LINGO2: variants seen among roughly 807,000 people sequenced by gnomAD.
LINGO2 encodes the protein leucine rich repeat and Ig domain containing 2, also known as leucine-rich repeat and immunoglobulin-like domain-containing nogo receptor-interacting protein 2.
In LINGO2, 14 loss-of-function variants were observed where a neutral mutation model predicts 30.6. The observed-to-expected ratio is 0.46, with a 90% CI of 0.30 to 0.72. The LOEUF (loss-of-function observed/expected upper bound fraction) is 0.72. Among genes scored for constraint, LINGO2 ranks in the 30% least tolerant of loss-of-function variants. The probability of loss-of-function intolerance (pLI) is 0.07; values close to 1 mark genes in which losing one functional copy is unlikely to be tolerated. For synonymous variants in LINGO2, 317 were observed against 288.5 expected (o/e 1.10, Z -1.00); for missense variants, 729 against 751.7 (o/e 0.97, Z 0.35).
At chr9:28,968,731 C>A in the LINGO2 span, among the ~76,000 whole-genome samples, 1 of 152,058 alleles carries the variant, frequency 6.6e-6, no homozygotes, top group Admixed American at 6.6e-5. Context: ...TAACTAGTTT[C>A]ATTTTTAAAA....
At chr9:28,782,494 G>C in the LINGO2 span, among the ~76,000 whole-genome samples, 1 of 152,144 alleles carries the variant, frequency 6.6e-6, no homozygotes, top group Non-Finnish European at 1.5e-5. Flanking sequence ...GATAACAAGA[G>C]TATGAGAGAG....
the LINGO2 span, among the ~76,000 whole-genome samples, chr9:29,071,154 T>TTATTGTATTGTATTA: frequency 7.3e-6 from 1 of 137,752 alleles, no homozygotes; most frequent in African/African-American, 2.7e-5. Context: ...TCACAGAGAA[T>TTATTGTATTGTATTA]TATTGTATTG....
At chr9:28,656,921 C>T (rs1190108667) in intron 1 of LINGO2, among the ~76,000 whole-genome samples, 1 of 152,008 alleles carries the variant, frequency 6.6e-6, no homozygotes, top group Non-Finnish European at 1.5e-5. Context: ...CTGAGGAAGA[C>T]AGACAACAAA....
chr9:28,844,467 T>G, the LINGO2 span, among the ~76,000 whole-genome samples: 719 of 152,052 alleles, frequency 4.7e-3, 21 homozygotes, highest in African/African-American at 0.016. Context: ...GAGTGTTTTT[T>G]AAACATTGGA....
intron 1 of LINGO2, among the ~76,000 whole-genome samples, chr9:28,612,093 T>C (rs10968675): frequency 0.079 from 12,063 of 151,894 alleles, 634 homozygotes; most frequent in East Asian, 0.17. Context: ...TAAGGCGGGG[T>C]CTCTATTGCC....
chr9:28,573,026 G>A (rs1042758511), intron 1 of LINGO2, among the ~76,000 whole-genome samples: 2 of 152,038 alleles, frequency 1.3e-5, no homozygotes, highest in African/African-American at 4.8e-5. Context: ...TATACACAAA[G>A]GTGTATTCTG....
intron 4 of LINGO2, among the ~76,000 whole-genome samples, chr9:28,252,085 T>A (rs561683718): frequency 8.5e-5 from 13 of 152,290 alleles, no homozygotes; most frequent in African/African-American, 2.9e-4. Context: ...ATGTTATAGA[T>A]ATTGATAATT....
the LINGO2 span, among the ~76,000 whole-genome samples, chr9:29,113,618 G>T: frequency 0.24 from 35,747 of 152,084 alleles, 4,337 homozygotes; most frequent in East Asian, 0.4. Context: ...TTTCACGGTT[G>T]CCAAAATCGT....
chr9:28,009,897 T>C (rs1450029998), intron 5 of LINGO2, among the ~76,000 whole-genome samples: 1 of 152,202 alleles, frequency 6.6e-6, no homozygotes, highest in Non-Finnish European at 1.5e-5. Context: ...TAACAATAAA[T>C]ATCTATACAA....
At chr9:28,961,381 G>GTT in the LINGO2 span, among the ~76,000 whole-genome samples, 1 of 152,116 alleles carries the variant, frequency 6.6e-6, no homozygotes, top group Non-Finnish European at 1.5e-5. Context: ...GGATTTCATA[G>GTT]CCAGGGAATA....
chr9:28,163,358 G>C (rs754806941), intron 4 of LINGO2, among the ~76,000 whole-genome samples: 2 of 152,118 alleles, frequency 1.3e-5, no homozygotes, highest in Non-Finnish European at 2.9e-5. Flanking sequence ...CAAGAGGTTA[G>C]TAATAACTAG....
At chr9:28,200,244 T>C (rs1820180649) in intron 4 of LINGO2, among the ~76,000 whole-genome samples, 1 of 152,202 alleles carries the variant, frequency 6.6e-6, no homozygotes, top group Non-Finnish European at 1.5e-5. Flanking sequence ...ACCTTGCCTC[T>C]GGAGTTATTT....
intron 2 of LINGO2, among the ~76,000 whole-genome samples, chr9:28,451,665 A>T (rs938911864): frequency 6.6e-6 from 1 of 151,744 alleles, no homozygotes; most frequent in African/African-American, 2.4e-5. Context: ...AGCTAACTAA[A>T]TTTCGGATGG....
intron 1 of LINGO2, among the ~76,000 whole-genome samples, chr9:28,554,354 C>A (rs1388054395): frequency 6.8e-6 from 1 of 147,418 alleles, no homozygotes; most frequent in Non-Finnish European, 1.5e-5. Flanking sequence ...CAATCCTAGT[C>A]TCTGATAAAA....
chr9:28,382,625 A>C (rs907636835), intron 2 of LINGO2, among the ~76,000 whole-genome samples: 1 of 152,118 alleles, frequency 6.6e-6, no homozygotes, highest in African/African-American at 2.4e-5. Flanking sequence ...TAAAATCTTC[A>C]TACAGGATAT....
chr9:28,506,505 C>CATATATATATATATATATATATATAT (rs773033942), intron 1 of LINGO2, among the ~76,000 whole-genome samples: 1 of 84,426 alleles, frequency 1.2e-5, no homozygotes, highest in Non-Finnish European at 2.4e-5. Flanking sequence ...CACACACAGA[C>CATATATATATATATATATATATATAT]ATATATATAT....
the LINGO2 span, among the ~76,000 whole-genome samples, chr9:29,213,480 GGGCGGGC>G: frequency 6.6e-6 from 1 of 152,080 alleles, no homozygotes; most frequent in Admixed American, 6.5e-5. Flanking sequence ...GTGCGGGGCT[GGGCGGGC>G]GGCGGGCGGC....
chr9:28,015,571 GA>G (rs2119300836), intron 4 of LINGO2, among the ~76,000 whole-genome samples: 1 of 152,116 alleles, frequency 6.6e-6, no homozygotes, highest in South Asian at 2.1e-4. Flanking sequence ...TATTACTTGT[GA>G]TATTTTCAAT....
chr9:28,111,820 G>T (rs1224266199), intron 4 of LINGO2, among the ~76,000 whole-genome samples: 1 of 152,094 alleles, frequency 6.6e-6, no homozygotes, highest in Non-Finnish European at 1.5e-5. Context: ...ACAGGGGAGA[G>T]TGATGCATTA....
Sources: allele counts gnomAD v4.1 joint callset (sites outside exome capture counted in the v4.1 genomes callset), GRCh38; gene constraint gnomAD v4.1.1; transcripts MANE v1.5; gene names NCBI Gene and HGNC (gene_info 2026-07-23, HGNC 2026-07-21).